KCNAB1: variants seen among roughly 807,000 people sequenced by gnomAD.
KCNAB1 encodes potassium voltage-gated channel subfamily A regulatory beta subunit 1, also known as voltage-gated potassium channel subunit beta-1.
A neutral mutation model predicts 64.6 loss-of-function variants in KCNAB1; 35 were observed. The observed-to-expected ratio is 0.54, with a 90% CI of 0.41 to 0.72. The LOEUF (loss-of-function observed/expected upper bound fraction) is 0.72, where lower values mean the gene tolerates loss of function less well. KCNAB1 is among the 30% of genes least tolerant of loss of function. KCNAB1 has a pLI of 0.00. For synonymous variants in KCNAB1, 177 were observed against 183.8 expected, an observed-to-expected ratio of 0.96 and a Z score of 0.30; for missense variants, 401 against 512.9, an observed-to-expected ratio of 0.78 and a Z score of 2.11.
intron 1 of KCNAB1, among the ~76,000 whole-genome samples, chr3:156,340,552 C>T (rs1724034137): frequency 6.6e-6 from 1 of 152,182 alleles, no homozygotes; most frequent in South Asian, 2.1e-4. Context: ...GTTTGGGGAC[C>T]ATCACCCATC....
chr3:156,118,578 T>C (rs778156203), upstream of KCNAB1, among the ~76,000 whole-genome samples: 1 of 152,204 alleles, frequency 6.6e-6, no homozygotes, highest in African/African-American at 2.4e-5. Flanking sequence ...TTTTTATAGA[T>C]GAAGAAAATA....
At chr3:156,468,335 C>T (rs1713587780) in intron 7 of KCNAB1, among the ~76,000 whole-genome samples, 1 of 151,946 alleles carries the variant, frequency 6.6e-6, no homozygotes, top group Non-Finnish European at 1.5e-5. Context: ...CCAGTGTGAA[C>T]CATATGTGTG....
chr3:156,263,979 G>T (rs945376726), intron 1 of KCNAB1, among the ~76,000 whole-genome samples: 53 of 152,176 alleles, frequency 3.5e-4, no homozygotes, highest in African/African-American at 1.3e-3. Flanking sequence ...GGATCTGGTT[G>T]TTCTATCAGT....
intron 1 of KCNAB1, among the ~76,000 whole-genome samples, chr3:156,281,588 C>T (rs1441983261): frequency 1.3e-5 from 2 of 152,188 alleles, no homozygotes; most frequent in South Asian, 4.1e-4. Flanking sequence ...GTGAGTCCAT[C>T]TGGTCCTGGA....
chr3:156,433,731 C>T (rs1053711460), intron 2 of KCNAB1, among the ~76,000 whole-genome samples: 2 of 152,158 alleles, frequency 1.3e-5, no homozygotes, highest in African/African-American at 4.8e-5. Flanking sequence ...GGAAAGAAAG[C>T]CACAGGCATA....
In KCNAB1 at chr3:156,214,472, T is replaced by C. The variant is rs191698948; in HGVS notation, c.275+93586T>C. ...TTCGGTATTAGAATTGTTGTGTGAGTAGAGAATACTGAGTGTTTTCTTTTG... is the reference window on the plus strand; with the variant it reads ...TTCGGTATTAGAATTGTTGTGTGAGCAGAGAATACTGAGTGTTTTCTTTTG... On this transcript the variant is annotated intron_variant, in intron 1 of 13. Coordinates refer to ENST00000490337, the MANE Select transcript of KCNAB1 (RefSeq NM_172160.3). Among the ~76,000 whole-genome samples, 1,036 of 152,110 alleles carry C rather than the reference T, an allele frequency of 6.8e-3. 4 individuals carry two copies. The highest frequency in any genetic ancestry group is 0.017 in the Middle Eastern group (5 of 294).
At chr3:156,280,617 A>C (rs1025075108) in intron 1 of KCNAB1, among the ~76,000 whole-genome samples, 2,868 of 149,892 alleles carry the variant, frequency 0.019, 104 homozygotes, top group African/African-American at 0.068. Context: ...ATGTTCTTCC[A>C]TTTGTTTGTA....
intron 1 of KCNAB1, among the ~76,000 whole-genome samples, chr3:156,398,411 C>A (rs1253159157): frequency 6.6e-6 from 1 of 151,876 alleles, no homozygotes; most frequent in South Asian, 2.1e-4. Context: ...GCTAACATGG[C>A]GAAACCCGGT....
rs777074179 is a variant in KCNAB1, at chr3:156,165,693, T to A, written c.275+44807T>A. ...CTTTCTCTTCTAAGCAAATGATGTT[T>A]TGTTATAGTTAGTGTTTTTATATGT... On this transcript the variant is annotated intron_variant, in intron 1 of 13. Coordinates refer to ENST00000490337, the MANE Select transcript of KCNAB1 (RefSeq NM_172160.3). Among the ~76,000 whole-genome samples the A allele has an allele frequency of 8.7e-4, 132 of 152,258 alleles. 1 individual carries two copies. The highest frequency in any genetic ancestry group is 7.6e-4 in the Non-Finnish European group (52 of 68,044).
At chr3:156,525,444 C>G (rs747384269) in intron 12 of KCNAB1, among the ~76,000 whole-genome samples, 21 of 152,098 alleles carry the variant, frequency 1.4e-4, no homozygotes, top group Non-Finnish European at 2.8e-4. Flanking sequence ...AAAGAAAATA[C>G]TTTTGTACAG....
chr3:156,208,678 G>T (rs1260693193), intron 1 of KCNAB1, among the ~76,000 whole-genome samples: 2 of 152,202 alleles, frequency 1.3e-5, no homozygotes, highest in African/African-American at 4.8e-5. Context: ...CATGCTGTGA[G>T]AAACCAGAAC....
intron 1 of KCNAB1, among the ~76,000 whole-genome samples, chr3:156,265,573 G>T (rs1340349500): frequency 1.3e-5 from 2 of 152,172 alleles, no homozygotes; most frequent in Non-Finnish European, 2.9e-5. Context: ...GCCTCTGTGT[G>T]GGGTATGGGC....
At chr3:156,535,721 GTC>G (rs1213041624) in intron 13 of KCNAB1, among the ~76,000 whole-genome samples, 10 of 152,058 alleles carry the variant, frequency 6.6e-5, no homozygotes, top group African/African-American at 2.4e-4. Flanking sequence ...CCCCCAAAAT[GTC>G]TCTCAGGTCC....
At chr3:156,206,071 C>A (rs78646052) in intron 1 of KCNAB1, among the ~76,000 whole-genome samples, 2,265 of 152,298 alleles carry the variant, frequency 0.015, 40 homozygotes, top group African/African-American at 0.04. Context: ...CATCACCAAG[C>A]CCATTTGGGG....
intron 1 of KCNAB1, among the ~76,000 whole-genome samples, chr3:156,308,803 C>T (rs965240069): frequency 3.3e-5 from 5 of 152,136 alleles, no homozygotes; most frequent in African/African-American, 1.2e-4. Flanking sequence ...TGTTAGAAAG[C>T]ATCAGGAGTT....
intron 1 of KCNAB1, among the ~76,000 whole-genome samples, chr3:156,300,873 T>G (rs1336052019): frequency 6.6e-6 from 1 of 152,226 alleles, no homozygotes; most frequent in Non-Finnish European, 1.5e-5. Context: ...GCTAACAACT[T>G]GTACTGTGAT....
intron 8 of KCNAB1, among the ~76,000 whole-genome samples, chr3:156,489,750 T>C (rs535433120): frequency 1.4e-4 from 22 of 152,132 alleles, no homozygotes; most frequent in African/African-American, 5.1e-4. Flanking sequence ...TAGACCAATA[T>C]GTATGAAAAT....
intron 8 of KCNAB1, among the ~76,000 whole-genome samples, chr3:156,478,135 C>T (rs1012883716): frequency 1.3e-5 from 2 of 152,054 alleles, no homozygotes; most frequent in Non-Finnish European, 2.9e-5. Flanking sequence ...AAAAAATCAT[C>T]ACCAGATAGT....
intron 8 of KCNAB1, among the ~76,000 whole-genome samples, chr3:156,509,062 G>A (rs1363747040): frequency 1.3e-5 from 2 of 151,964 alleles, no homozygotes; most frequent in Non-Finnish European, 2.9e-5. Flanking sequence ...CTGATTCATG[G>A]TGGTGGAGTG....
Sources: allele counts gnomAD v4.1 joint callset (sites outside exome capture counted in the v4.1 genomes callset), GRCh38; gene constraint gnomAD v4.1.1; transcripts MANE v1.5; gene names NCBI Gene and HGNC (gene_info 2026-07-23, HGNC 2026-07-21).